PPP1R9A: variants seen among roughly 807,000 people sequenced by gnomAD.
PPP1R9A encodes neurabin-1.
Under a neutral mutation model 141.9 loss-of-function variants are expected in PPP1R9A, and 59 were observed. The ratio of observed to expected loss-of-function variants is 0.42; its 90% CI spans 0.34 to 0.52. The LOEUF (loss-of-function observed/expected upper bound fraction) is 0.52. PPP1R9A is among the 20% of genes least tolerant of loss of function. The pLI is 0.10. For synonymous variants in PPP1R9A, 500 were observed against 569.7 expected (o/e 0.88, Z 1.74); for missense variants, 1,444 against 1,611.9 (o/e 0.90, Z 1.78).
At chr7:94,980,400 A>G (rs887723670) in intron 2 of PPP1R9A, among the ~76,000 whole-genome samples, 4 of 152,060 alleles carry the variant, frequency 2.6e-5, no homozygotes, top group Admixed American at 6.5e-5. Context: ...TAAAAGTTTC[A>G]TGAAATAGTA....
chr7:94,939,454 C>A (rs1795099913), intron 2 of PPP1R9A, among the ~76,000 whole-genome samples: 1 of 151,788 alleles, frequency 6.6e-6, no homozygotes, highest in Non-Finnish European at 1.5e-5. Context: ...TCAGATTACC[C>A]CTTTTTATTT....
chr7:95,002,987 G>A (rs1803145916), intron 2 of PPP1R9A, among the ~76,000 whole-genome samples: 1 of 152,114 alleles, frequency 6.6e-6, no homozygotes, highest in Non-Finnish European at 1.5e-5. Flanking sequence ...CTGCTGGTTG[G>A]AGAGTTGCCA....
intron 4 of PPP1R9A, among the ~76,000 whole-genome samples, chr7:95,133,309 T>C (rs993063218): frequency 3.3e-5 from 5 of 151,980 alleles, no homozygotes; most frequent in Middle Eastern, 3.2e-3. Context: ...CTTTGGCTTG[T>C]AGGTCGGGTT....
intron 2 of PPP1R9A, among the ~76,000 whole-genome samples, chr7:95,077,941 C>A (rs1815111243): frequency 6.7e-6 from 1 of 150,090 alleles, no homozygotes; most frequent in African/African-American, 2.4e-5. Context: ...CTTCATAGAT[C>A]TAAGTTTCCC....
At chr7:95,154,600 A>G (rs1829286129) in intron 4 of PPP1R9A, 1 of 152,118 alleles carries the variant, frequency 6.6e-6, no homozygotes, top group Non-Finnish European at 1.5e-5. Context: ...TTCTTATACT[A>G]TGTAAACCAA....
chr7:95,220,097 G>C (rs1794189097), intron 7 of PPP1R9A, among the ~76,000 whole-genome samples: 1 of 152,076 alleles, frequency 6.6e-6, no homozygotes, highest in African/African-American at 2.4e-5. Context: ...CATTCAAAGA[G>C]ACTAAGTGTA....
At chr7:95,288,435 A>G (rs1805749134) in intron 18 of PPP1R9A, 101 bp from the exon 19 acceptor site, 2 of 1,476,994 alleles carry the variant, frequency 1.4e-6, no homozygotes, top group East Asian at 2.3e-5. Flanking sequence ...TGGTTTAAAC[A>G]TAAATGTGGC....
At chr7:95,247,570 C>T (rs752567115) in intron 9 of PPP1R9A, 44 bp downstream of exon 9, 3 of 1,463,548 alleles carry the variant, frequency 2.0e-6, no homozygotes, top group Non-Finnish European at 2.9e-6. Context: ...TTTTAAACTT[C>T]AGATACTATG....
At chr7:95,263,967 A>G (rs1312835755) in intron 12 of PPP1R9A, among the ~76,000 whole-genome samples, 2 of 152,146 alleles carry the variant, frequency 1.3e-5, no homozygotes, top group East Asian at 1.9e-4. Flanking sequence ...TTTTGTTATC[A>G]TGACTGTTTT....
chr7:94,920,928 T>G (rs1792716836), intron 2 of PPP1R9A, among the ~76,000 whole-genome samples: 1 of 152,160 alleles, frequency 6.6e-6, no homozygotes, highest in African/African-American at 2.4e-5. Context: ...TCACCTCGGA[T>G]TTCTCCTCCA....
chr7:95,140,400 TTTA>T (rs1334585427), intron 4 of PPP1R9A, among the ~76,000 whole-genome samples: 1 of 152,220 alleles, frequency 6.6e-6, no homozygotes, highest in East Asian at 1.9e-4. Flanking sequence ...CTTATTTCAC[TTTA>T]TTTTTTTGAC....
At chr7:94,908,541 C>T (rs1791060108) in intron 1 of PPP1R9A, 1 of 152,270 alleles carries the variant, frequency 6.6e-6, no homozygotes, top group Admixed American at 6.5e-5. Flanking sequence ...CGGTCCTGCC[C>T]CAGGGCCGAG....
chr7:95,221,919 G>T (rs575041256), intron 7 of PPP1R9A, among the ~76,000 whole-genome samples: 1 of 152,020 alleles, frequency 6.6e-6, no homozygotes, highest in Non-Finnish European at 1.5e-5. Flanking sequence ...TAAAAGATGA[G>T]CAAATAAATG....
intron 4 of PPP1R9A, among the ~76,000 whole-genome samples, chr7:95,159,450 A>C (rs555959424): frequency 6.6e-6 from 1 of 152,268 alleles, no homozygotes; most frequent in South Asian, 2.1e-4. Context: ...GTTCTGGGGT[A>C]CATGTGCAGA....
chr7:95,001,183 A>C (rs1272305608), intron 2 of PPP1R9A, among the ~76,000 whole-genome samples: 1 of 152,152 alleles, frequency 6.6e-6, no homozygotes, highest in Admixed American at 6.6e-5. Context: ...ATTTGGAGGT[A>C]TACTTGTATT....
At chr7:95,143,834 G>A (rs1243289080) in intron 4 of PPP1R9A, among the ~76,000 whole-genome samples, 7 of 151,580 alleles carry the variant, frequency 4.6e-5, no homozygotes, top group African/African-American at 1.7e-4. Flanking sequence ...GTCCCAAATC[G>A]TCTTTTAATT....
chr7:95,181,612 A>T (rs2152797297), intron 5 of PPP1R9A, among the ~76,000 whole-genome samples: 1 of 141,056 alleles, frequency 7.1e-6, no homozygotes, highest in African/African-American at 2.6e-5. Flanking sequence ...ATTCTGTCAC[A>T]CATATATATT....
At chr7:95,274,323 G>C (rs771644305) in intron 16 of PPP1R9A, among the ~76,000 whole-genome samples, 155 bp downstream of exon 16, 1 of 152,090 alleles carries the variant, frequency 6.6e-6, no homozygotes, top group Non-Finnish European at 1.5e-5. Context: ...AGTTTATATT[G>C]GTCTTACTCC....
chr7:95,157,787 A>T (rs1055408123), intron 4 of PPP1R9A, among the ~76,000 whole-genome samples: 1 of 152,160 alleles, frequency 6.6e-6, no homozygotes, highest in Non-Finnish European at 1.5e-5. Context: ...ACTTTTCTTA[A>T]CATTTGGGAT....
Sources: allele counts gnomAD v4.1 joint callset (sites outside exome capture counted in the v4.1 genomes callset), GRCh38; gene constraint gnomAD v4.1.1; transcripts MANE v1.5; gene names NCBI Gene and HGNC (gene_info 2026-07-23, HGNC 2026-07-21).